Variants in DPF3 observed in about 807,000 individuals in gnomAD.
DPF3 encodes the protein double PHD fingers 3.
In DPF3, 18 loss-of-function variants were observed where a neutral mutation model predicts 56.8. The ratio of observed to expected loss-of-function variants is 0.32; its 90% CI spans 0.22 to 0.47. The LOEUF (loss-of-function observed/expected upper bound fraction) is 0.47, where lower values mean the gene tolerates loss of function less well. Ranked by LOEUF, DPF3 falls within the 20% of genes least tolerant of loss-of-function variation. The pLI is 1.00. For missense variants in DPF3, 403 were observed against 488.8 expected (o/e 0.82, Z 1.65); for synonymous variants, 188 against 180.2 (o/e 1.04, Z -0.35).
intron 1 of DPF3, among the ~76,000 whole-genome samples, chr14:72,846,980 T>C (rs1884786920): frequency 6.6e-6 from 1 of 152,170 alleles, no homozygotes; most frequent in African/African-American, 2.4e-5. Flanking sequence ...TTCATTAACA[T>C]GTTATCTTCA....
intron 8 of DPF3, among the ~76,000 whole-genome samples, chr14:72,637,499 A>G (rs1885419143): frequency 6.6e-6 from 1 of 152,228 alleles, no homozygotes; most frequent in Admixed American, 6.5e-5. Flanking sequence ...TAAATATGGC[A>G]GGCACTCTTC....
At chr14:72,632,974 A>G (rs972110098) in intron 8 of DPF3, among the ~76,000 whole-genome samples, 1 of 152,176 alleles carries the variant, frequency 6.6e-6, no homozygotes, top group African/African-American at 2.4e-5. Context: ...GAAGCTAGTT[A>G]GGAGGCTAAT....
intron 1 of DPF3, among the ~76,000 whole-genome samples, chr14:72,849,393 C>T (rs1567255593): frequency 1.3e-5 from 2 of 152,208 alleles, no homozygotes; most frequent in African/African-American, 4.8e-5. Flanking sequence ...TTTGCCCTCT[C>T]CTCTCCCTGG....
At chr14:72,704,939 G>A (rs891114289) in intron 6 of DPF3, among the ~76,000 whole-genome samples, 22 of 152,138 alleles carry the variant, frequency 1.4e-4, no homozygotes, top group South Asian at 6.2e-4. Context: ...GGCTCTTCTC[G>A]GTCATCAGGC....
Position 72,853,034 on chromosome 14 carries a change from C to CGTGTGTGTGTGTGTGTGTGTGTGTGTGT in DPF3, c.32+41022_32+41023insACACACACACACACACACACACACACAC, listed in dbSNP as rs10522943. 2.0e-4 allele frequency among the ~76,000 whole-genome samples: 29 copies of CGTGTGTGTGTGTGTGTGTGTGTGTGTGT among 144,002 alleles called. 1 individual carries two copies. Among genetic ancestry groups the CGTGTGTGTGTGTGTGTGTGTGTGTGTGT allele is most frequent in the African/African-American group, 4.3e-4 (17 of 39,524 alleles). 94.5% of individuals were successfully genotyped at this position (144,002 alleles called of 152,430 possible). A position where few individuals can be genotyped will look rare whatever the true frequency, so the allele number is the denominator to read the frequency against. On this transcript the variant is annotated intron_variant, in intron 1 of 10. Coordinates refer to ENST00000556509, the MANE Select transcript of DPF3 (RefSeq NM_001280542.3). ...CAACAACTATTCTGCCATAGCCTTG[C>CGTGTGTGTGTGTGTGTGTGTGTGTGTGT]GTGTGTGTGTGTGTATGTGTGTGTG...
At chr14:72,860,375 A>G (rs965256725) in intron 1 of DPF3, among the ~76,000 whole-genome samples, 3 of 151,982 alleles carry the variant, frequency 2.0e-5, no homozygotes, top group African/African-American at 4.8e-5. Flanking sequence ...TGTAGAGACA[A>G]TGTCTCACTA....
At chr14:72,850,098 G>A (rs550503117) in intron 1 of DPF3, among the ~76,000 whole-genome samples, 61 of 152,044 alleles carry the variant, frequency 4.0e-4, no homozygotes, top group Non-Finnish European at 6.5e-4. Flanking sequence ...CTGCCTAGGC[G>A]ACAGAGAGAA....
At chr14:72,815,091 A>G (rs1185060746) in intron 1 of DPF3, among the ~76,000 whole-genome samples, 1 of 152,190 alleles carries the variant, frequency 6.6e-6, no homozygotes, top group African/African-American at 2.4e-5. Context: ...ATATCTGATA[A>G]AGGATGTTTA....
chr14:72,649,983 C>T (rs893209662), intron 8 of DPF3, among the ~76,000 whole-genome samples: 5 of 152,200 alleles, frequency 3.3e-5, no homozygotes, highest in Non-Finnish European at 5.9e-5. Flanking sequence ...GGAGGCCGAG[C>T]GGCTGATGAG....
chr14:72,616,057 A>G lies in DPF3; in HGVS notation c.*3240T>C, dbSNP rs1217915560. Among the ~76,000 whole-genome samples, 2 of 152,126 alleles carry G rather than the reference A, an allele frequency of 1.3e-5. No homozygotes were observed. ...GCCTCTGCAGAAAATGACAATAGCTACCATGGAGTGGGGACCATCATCATG... is the reference window on the plus strand; with the variant it reads ...GCCTCTGCAGAAAATGACAATAGCTGCCATGGAGTGGGGACCATCATCATG... On this transcript the variant is annotated 3_prime_UTR_variant, in exon 11 of 11. Coordinates refer to ENST00000556509, the MANE Select transcript of DPF3 (RefSeq NM_001280542.3).
intron 7 of DPF3, among the ~76,000 whole-genome samples, chr14:72,687,242 G>A (rs1358010877): frequency 6.6e-6 from 1 of 152,094 alleles, no homozygotes; most frequent in Non-Finnish European, 1.5e-5. Flanking sequence ...AGACCTCCAG[G>A]AACCTAGAAG....
intron 1 of DPF3, among the ~76,000 whole-genome samples, chr14:72,802,449 C>T (rs1413573348): frequency 6.6e-6 from 1 of 152,172 alleles, no homozygotes; most frequent in African/African-American, 2.4e-5. Context: ...TCTCCAAGGG[C>T]CTGCCAGGTC....
intron 1 of DPF3, among the ~76,000 whole-genome samples, chr14:72,786,195 G>A (rs1040941119): frequency 7.9e-5 from 12 of 152,024 alleles, no homozygotes; most frequent in African/African-American, 2.7e-4. Context: ...CCCGGGAAGC[G>A]GAGGTTGCAG....
chr14:72,803,078 A>G (rs979702364), intron 1 of DPF3, among the ~76,000 whole-genome samples: 3 of 152,202 alleles, frequency 2.0e-5, no homozygotes, highest in Admixed American at 6.5e-5. Flanking sequence ...TGGAGAACAA[A>G]TAATATTTTA....
At chr14:72,735,458 C>G (rs977390269) in intron 3 of DPF3, among the ~76,000 whole-genome samples, 3 of 152,140 alleles carry the variant, frequency 2.0e-5, no homozygotes, top group African/African-American at 7.2e-5. Flanking sequence ...CCTCTTTAAC[C>G]AAACTTTACC....
intron 1 of DPF3, among the ~76,000 whole-genome samples, chr14:72,811,548 T>C (rs1402286055): frequency 1.3e-5 from 2 of 152,158 alleles, no homozygotes; most frequent in African/African-American, 4.8e-5. Context: ...CTGTGGCACT[T>C]ACAGCCACCC....
At chr14:72,757,795 G>A (rs530389024) in intron 2 of DPF3, among the ~76,000 whole-genome samples, 1 of 151,986 alleles carries the variant, frequency 6.6e-6, no homozygotes, top group Non-Finnish European at 1.5e-5. Flanking sequence ...CACAGATTTT[G>A]GTATCTTCTG....
At chr14:72,762,551 A>T (rs12887909) in intron 2 of DPF3, among the ~76,000 whole-genome samples, 29,634 of 147,524 alleles carry the variant, frequency 0.2, 3,036 homozygotes, top group East Asian at 0.25. Context: ...TTTGTGATTT[A>T]AAAAAAAAAA....
At chr14:72,837,907 C>T (rs1884365912) in intron 1 of DPF3, among the ~76,000 whole-genome samples, 1 of 152,164 alleles carries the variant, frequency 6.6e-6, no homozygotes, top group Admixed American at 6.5e-5. Context: ...AGGAGTTGGC[C>T]ATGGACAGGT....
Sources: allele counts gnomAD v4.1 joint callset (sites outside exome capture counted in the v4.1 genomes callset), GRCh38; gene constraint gnomAD v4.1.1; transcripts MANE v1.5; gene names NCBI Gene and HGNC (gene_info 2026-07-23, HGNC 2026-07-21).